The following SEMA3D variants were observed in gnomAD, a reference collection of about 807,000 sequenced individuals.
The protein encoded by SEMA3D is semaphorin 3D.
SEMA3D carries 84 observed loss-of-function variants against 100.1 expected under a neutral mutation model. The ratio of observed to expected loss-of-function variants is 0.84; its 90% CI spans 0.70 to 1.01. The LOEUF is 1.01. Ranked by LOEUF, SEMA3D falls within the 50% of genes least tolerant of loss-of-function variation. The pLI, the probability that SEMA3D is intolerant of heterozygous loss-of-function variation, is 0.00. For missense variants in SEMA3D, 875 were observed against 934.1 expected (o/e 0.94, Z 0.82); for synonymous variants, 312 against 320.7 (o/e 0.97, Z 0.29).
At chr7:85,012,882 G>A (rs199662406) in intron 16 of SEMA3D, 36 bp from the exon 17 acceptor site, 1 of 1,518,348 alleles carries the variant, frequency 6.6e-7, no homozygotes, top group East Asian at 2.3e-5. Context: ...AGAACTTCAA[G>A]CATGATTACC....
the SEMA3D span, among the ~76,000 whole-genome samples, chr7:85,240,989 T>C: frequency 1.3e-5 from 2 of 151,888 alleles, no homozygotes; most frequent in South Asian, 2.1e-4. Flanking sequence ...AACAATCCCA[T>C]CAAATAGTGT....
At chr7:85,241,286 C>A in the SEMA3D span, among the ~76,000 whole-genome samples, 1 of 151,620 alleles carries the variant, frequency 6.6e-6, no homozygotes, top group Non-Finnish European at 1.5e-5. Context: ...AGTAGAACTA[C>A]CATTTGATCC....
At chr7:85,103,349 G>A (rs1169073232) in intron 3 of SEMA3D, among the ~76,000 whole-genome samples, 3 of 151,966 alleles carry the variant, frequency 2.0e-5, no homozygotes, top group African/African-American at 7.2e-5. Flanking sequence ...ATACACTTCA[G>A]AGCTTTTTAA....
At chr7:85,126,006 C>T (rs11975936) in intron 2 of SEMA3D, among the ~76,000 whole-genome samples, 79,518 of 151,748 alleles carry the variant, frequency 0.52, 21,398 homozygotes, top group African/African-American at 0.64. Flanking sequence ...TCTTGGGAAT[C>T]TTCAGATGTG....
At chr7:85,094,513 A>G (rs1788492806) in intron 4 of SEMA3D, among the ~76,000 whole-genome samples, 1 of 151,950 alleles carries the variant, frequency 6.6e-6, no homozygotes, top group Admixed American at 6.6e-5. Flanking sequence ...CCCTTTGCCT[A>G]ATACTGCTTC....
chr7:85,189,465 C>A (rs574737942), upstream of SEMA3D, among the ~76,000 whole-genome samples: 1 of 151,548 alleles, frequency 6.6e-6, no homozygotes, highest in South Asian at 2.1e-4. Flanking sequence ...AAAATAAAAC[C>A]CAGTGGGAAA....
At chr7:85,077,283 G>T (rs1791954078) in intron 5 of SEMA3D, among the ~76,000 whole-genome samples, 1 of 151,824 alleles carries the variant, frequency 6.6e-6, no homozygotes, top group Non-Finnish European at 1.5e-5. Flanking sequence ...TAAAGAAAAA[G>T]ATAGAAATGA....
At chr7:85,045,864 CA>C (rs1790993456) in intron 9 of SEMA3D, among the ~76,000 whole-genome samples, 1 of 151,828 alleles carries the variant, frequency 6.6e-6, no homozygotes, top group African/African-American at 2.4e-5. Context: ...CTAATCTTTA[CA>C]TTTTTTTATC....
At chr7:85,240,855 A>G in the SEMA3D span, among the ~76,000 whole-genome samples, 1 of 152,044 alleles carries the variant, frequency 6.6e-6, no homozygotes, top group Non-Finnish European at 1.5e-5. Flanking sequence ...CATTTCTCTT[A>G]TTAGAAATTT....
At chr7:85,086,610 CTCTT>C (rs1788223267) in intron 4 of SEMA3D, among the ~76,000 whole-genome samples, 2 of 148,640 alleles carry the variant, frequency 1.3e-5, no homozygotes, top group African/African-American at 5.2e-5. Context: ...TTTTTCTAGT[CTCTT>C]TCTCTCTCTC....
intron 2 of SEMA3D, chr7:85,144,729 G>C (rs1005360442): frequency 2.1e-6 from 2 of 942,518 alleles, no homozygotes; most frequent in African/African-American, 3.5e-5. Context: ...CTTGCCTCTA[G>C]TATGATATGT....
chr7:85,172,427 T>C (rs1270151451), intron 1 of SEMA3D, among the ~76,000 whole-genome samples: 1 of 152,038 alleles, frequency 6.6e-6, no homozygotes, highest in East Asian at 1.9e-4. Context: ...GCTCAGAAGC[T>C]GAAGTGACCT....
intron 1 of SEMA3D, among the ~76,000 whole-genome samples, chr7:85,156,412 T>C (rs1408688289): frequency 6.6e-6 from 1 of 152,108 alleles, no homozygotes; most frequent in Non-Finnish European, 1.5e-5. Flanking sequence ...AAGTGATTCT[T>C]AAGATAATAA....
chr7:85,066,882 A>T (rs1252632726), intron 7 of SEMA3D, among the ~76,000 whole-genome samples: 1 of 148,560 alleles, frequency 6.7e-6, no homozygotes, highest in Non-Finnish European at 1.5e-5. Context: ...CTTCTAAAGG[A>T]AATGTGCGCT....
intron 3 of SEMA3D, among the ~76,000 whole-genome samples, chr7:85,111,425 T>C (rs1789089613): frequency 6.6e-6 from 1 of 152,064 alleles, no homozygotes; most frequent in African/African-American, 2.4e-5. Context: ...GCTCCACCTG[T>C]AGACCACAAC....
intron 2 of SEMA3D, chr7:85,140,168 G>T (rs914588596): frequency 2.4e-5 from 11 of 462,836 alleles, no homozygotes; most frequent in Non-Finnish European, 3.1e-5. Flanking sequence ...AAAAAATTAA[G>T]TTTATAAGAG....
chr7:85,120,862 T>G (rs1025017868), intron 3 of SEMA3D, among the ~76,000 whole-genome samples: 14 of 152,162 alleles, frequency 9.2e-5, no homozygotes, highest in Non-Finnish European at 1.5e-4. Flanking sequence ...CTTTAATACA[T>G]GACATATATT....
At chr7:85,115,542 A>G (rs933571722) in intron 3 of SEMA3D, among the ~76,000 whole-genome samples, 12 of 152,230 alleles carry the variant, frequency 7.9e-5, no homozygotes, top group Middle Eastern at 3.4e-3. Flanking sequence ...TATGTCTTCA[A>G]TTCCTTTAGT....
At chr7:85,143,350 T>G (rs1256784369) in intron 2 of SEMA3D, 3 of 298,992 alleles carry the variant, frequency 1.0e-5, no homozygotes, top group African/African-American at 2.3e-5. Context: ...AAATTTGTCA[T>G]TAGGTGATTT....
Sources: gnomAD v4.1 joint callset for allele counts (sites outside exome capture counted in the v4.1 genomes callset) on GRCh38, gnomAD v4.1.1 for gene constraint, MANE v1.5 for transcripts, NCBI Gene and HGNC (gene_info 2026-07-23, HGNC 2026-07-21) for gene names.